GLIS3: variants seen among roughly 807,000 people sequenced by gnomAD.
The protein encoded by GLIS3 is GLIS family zinc finger 3, also known as zinc finger protein GLIS3.
GLIS3 carries 53 observed loss-of-function variants against 78.6 expected under a neutral mutation model. The observed-to-expected ratio is 0.67, with a 90% confidence interval of 0.54 to 0.85. The LOEUF (loss-of-function observed/expected upper bound fraction) is 0.85, where lower values mean the gene tolerates loss of function less well. Among genes scored for constraint, GLIS3 ranks in the 40% least tolerant of loss-of-function variants. GLIS3 has a pLI of 0.00. For missense variants in GLIS3, 1,703 were observed against 1,231.1 expected (o/e 1.38, Z -5.74); for synonymous variants, 684 against 509.9 (o/e 1.34, Z -4.60).
chr9:4,375,519 GCT>G, the GLIS3 span, among the ~76,000 whole-genome samples: 1 of 152,162 alleles, frequency 6.6e-6, no homozygotes, highest in Non-Finnish European at 1.5e-5. Context: ...GCTGACTGAT[GCT>G]CTCTCTAGGT....
Position 4,205,516 on chromosome 9 carries a change from G to A in GLIS3, c.389-79575C>T, listed in dbSNP as rs1047554877. On this transcript the variant is annotated intron_variant, in intron 2 of 10. Coordinates refer to ENST00000381971, the MANE Select transcript of GLIS3 (RefSeq NM_001042413.2). Reference sequence around the variant, plus strand: ...GGAAGATTTGATGTGAGAATGTGATGTCTGGAGCTGCTTGCAGGCCTAGTG... The same window carrying A: ...GGAAGATTTGATGTGAGAATGTGATATCTGGAGCTGCTTGCAGGCCTAGTG... 3.3e-5 allele frequency among the ~76,000 whole-genome samples: 5 copies of A among 152,220 alleles called. No individual in the cohort carries two copies. In the East Asian group the frequency reaches 5.8e-4, roughly 18 times the overall value.
At chr9:4,033,307 T>A (rs1008330164) in intron 4 of GLIS3, among the ~76,000 whole-genome samples, 5 of 152,118 alleles carry the variant, frequency 3.3e-5, no homozygotes, top group African/African-American at 1.2e-4. Flanking sequence ...CAGCTGTCCC[T>A]TGGTCACCCC....
At chr9:4,422,754 AG>A in the GLIS3 span, among the ~76,000 whole-genome samples, 1 of 152,234 alleles carries the variant, frequency 6.6e-6, no homozygotes, top group Non-Finnish European at 1.5e-5. Flanking sequence ...TGTGAAAGTC[AG>A]GGAGTGCTGG....
At chr9:4,300,698 G>C (rs1296173449), upstream of GLIS3, among the ~76,000 whole-genome samples, 2 of 151,764 alleles carry the variant, frequency 1.3e-5, no homozygotes, top group African/African-American at 4.8e-5. Context: ...AACATCCTCA[G>C]CCTCATACCC....
intron 1 of GLIS3, among the ~76,000 whole-genome samples, chr9:4,292,750 GA>G (rs1459906865): frequency 6.6e-6 from 1 of 152,160 alleles, no homozygotes; most frequent in Non-Finnish European, 1.5e-5. Context: ...CATTGCAGGG[GA>G]TAGGTAACTT....
At chr9:4,293,504 A>G (rs550213322) in intron 1 of GLIS3, among the ~76,000 whole-genome samples, 1 of 152,346 alleles carries the variant, frequency 6.6e-6, no homozygotes, top group Admixed American at 6.5e-5. Context: ...TATTAAAAAG[A>G]TTTTTTGAAA....
At chr9:3,876,634 C>CAGAG (rs149679158) in intron 8 of GLIS3, among the ~76,000 whole-genome samples, 29 of 15,728 alleles carry the variant, frequency 1.8e-3, no homozygotes, top group Non-Finnish European at 2.4e-3. Context: ...TCACCAAAGT[C>CAGAG]AGAGAGAGAG....
chr9:4,140,514 G>A (rs1484254836), intron 2 of GLIS3, among the ~76,000 whole-genome samples: 1 of 152,174 alleles, frequency 6.6e-6, no homozygotes, highest in Non-Finnish European at 1.5e-5. Flanking sequence ...AAGGAAAATA[G>A]TAATGAAGAT....
At chr9:4,095,834 C>T (rs1428345981) in intron 4 of GLIS3, among the ~76,000 whole-genome samples, 1 of 152,044 alleles carries the variant, frequency 6.6e-6, no homozygotes, top group African/African-American at 2.4e-5. Flanking sequence ...CCAACAACTC[C>T]ACAAGGTAAG....
chr9:4,377,272 A>C, the GLIS3 span, among the ~76,000 whole-genome samples: 1 of 135,374 alleles, frequency 7.4e-6, no homozygotes, highest in African/African-American at 2.6e-5. Flanking sequence ...AGCAGGAGGA[A>C]GAAGGTGGGA....
At chr9:4,256,533 A>G (rs540762525) in intron 2 of GLIS3, among the ~76,000 whole-genome samples, 29 of 152,314 alleles carry the variant, frequency 1.9e-4, no homozygotes, top group African/African-American at 6.0e-4. Context: ...CACTTTGGAA[A>G]TAGAAACTGG....
Position 4,118,268 on chromosome 9 carries a change from G to T in GLIS3, c.1210C>A (p.Gln404Lys), listed in dbSNP as rs751660790. The T allele has an allele frequency of 4.9e-5, 77 of 1,586,732 alleles. No homozygotes were observed. Among genetic ancestry groups the T allele is most frequent in the Middle Eastern group, 3.4e-4 (2 of 5,886 alleles). The change falls in exon 4 of 11, where the codon CAG becomes AAG. Residue 404 changes from glutamine (Q) to lysine (K), a missense_variant. Coordinates refer to ENST00000381971, the MANE Select transcript of GLIS3 (RefSeq NM_001042413.2). The surrounding 1 kb of genome is among the most constrained non-coding windows in gnomAD (Gnocchi z 4.7). ...RMQQLEHGGL[Q>K]PGLVNHMVVQ... ...ACCATGTGGTTGACCAGGCCTGGCT[G>T]CAGGCCGCCGTGCTCCAGCTGTTGC...
At chr9:4,221,052 T>C (rs1821288835) in intron 2 of GLIS3, among the ~76,000 whole-genome samples, 1 of 152,120 alleles carries the variant, frequency 6.6e-6, no homozygotes, top group Non-Finnish European at 1.5e-5. Context: ...AAGGGAAAAA[T>C]AGAGGATATC....
In GLIS3 at chr9:3,825,610, T is replaced by C. The variant is rs148759993; in HGVS notation, c.*2662A>G. 2.1e-4 allele frequency: 32 copies of C among 152,318 alleles called. No individual in the cohort carries two copies. Among genetic ancestry groups the C allele is most frequent in the African/African-American group, 7.7e-4 (32 of 41,560 alleles). 9.4% of individuals were successfully genotyped at this position (152,318 alleles called of 1,614,324 possible). A position where few individuals can be genotyped will look rare whatever the true frequency, so the allele number is the denominator to read the frequency against. ...ATGAAAGGGAATGATTTTTTTGAAGTTTCCACTTGTACTGCTGCAAAAATA... is the reference window on the plus strand; with the variant it reads ...ATGAAAGGGAATGATTTTTTTGAAGCTTCCACTTGTACTGCTGCAAAAATA... On this transcript the variant is annotated 3_prime_UTR_variant, in exon 11 of 11. Coordinates refer to ENST00000381971, the MANE Select transcript of GLIS3 (RefSeq NM_001042413.2).
Position 3,926,241 on chromosome 9 carries a change from T to G in GLIS3, c.1983+6119A>C, listed in dbSNP as rs537018797. On this transcript the variant is annotated intron_variant, in intron 6 of 10. Transcript: ENST00000381971. ...GCAATGCTTTTTCTTTTGTTTTTTT[T>G]TTTTTCTTTGACGGAGTCTTGCTCT... 1.3e-4 allele frequency among the ~76,000 whole-genome samples: 19 copies of G among 149,942 alleles called. 1 individual carries two copies. Among genetic ancestry groups the G allele is most frequent in the South Asian group, 6.3e-4 (3 of 4,748 alleles).
chr9:3,940,899 G>A (rs1005445743), intron 4 of GLIS3, among the ~76,000 whole-genome samples: 1 of 152,184 alleles, frequency 6.6e-6, no homozygotes, highest in Non-Finnish European at 1.5e-5. Context: ...AGGTCAACGT[G>A]TACGGCTGGG....
intron 2 of GLIS3, among the ~76,000 whole-genome samples, chr9:4,133,815 C>T (rs1469785897): frequency 6.8e-6 from 1 of 146,686 alleles, no homozygotes; most frequent in Non-Finnish European, 1.5e-5. Context: ...CCTTCCTGCC[C>T]AAGACCTTCT....
chr9:4,462,977 A>T, the GLIS3 span, among the ~76,000 whole-genome samples: 1 of 152,176 alleles, frequency 6.6e-6, no homozygotes, highest in Non-Finnish European at 1.5e-5. Context: ...AAATTTAACC[A>T]TTCTCTGGGG....
chr9:3,914,331 ATT>A lies in GLIS3; in HGVS notation c.1984-15498_1984-15497del, dbSNP rs35662964. On this transcript the variant is annotated intron_variant, in intron 6 of 10. Coordinates refer to ENST00000381971, the MANE Select transcript of GLIS3 (RefSeq NM_001042413.2). The stretch of plus-strand genomic sequence containing the variant: ...TGGCTAAGTTTTTTCAGATTTTTGG[ATT>A]TTTTTTTTTTTTTTGCAGAGGCAAG... Among the ~76,000 whole-genome samples the A allele has an allele frequency of 2.1e-3, 267 of 129,146 alleles. 1 individual carries two copies. The highest frequency in any genetic ancestry group is 2.8e-3 in the East Asian group (13 of 4,622). 84.7% of individuals were successfully genotyped at this position (129,146 alleles called of 152,430 possible).
Sources: gnomAD v4.1 joint callset for allele counts (sites outside exome capture counted in the v4.1 genomes callset) on GRCh38, gnomAD v4.1.1 for gene constraint, Gnocchi (gnomAD v3.1) non-coding constraint, MANE v1.5 for transcripts, NCBI Gene and HGNC (gene_info 2026-07-23, HGNC 2026-07-21) for gene names.